Variants in SH3BGR observed in about 807,000 individuals in gnomAD.
The protein encoded by SH3BGR is SH3 domain-binding glutamic acid-rich protein.
Under a neutral mutation model 24.5 loss-of-function variants are expected in SH3BGR, and 29 were observed. That is an observed-to-expected ratio of 1.18 (90% CI 0.88 to 1.61). The LOEUF is 1.61. SH3BGR is among the 40% of genes most tolerant of loss of function. The probability of loss-of-function intolerance (pLI) is 0.00; values close to 1 mark genes in which losing one functional copy is unlikely to be tolerated. For missense variants in SH3BGR, 162 were observed against 205.8 expected, an observed-to-expected ratio of 0.79 and a Z score of 1.30; for synonymous variants, 55 against 65.7, an observed-to-expected ratio of 0.84 and a Z score of 0.79.
chr21:39,473,922 A>G (rs1482054123), intron 2 of SH3BGR, among the ~76,000 whole-genome samples: 2 of 151,876 alleles, frequency 1.3e-5, no homozygotes, highest in African/African-American at 4.8e-5. Flanking sequence ...ACAGGAATAC[A>G]TAATACTTTT....
At chr21:39,505,955 C>T (rs1410695825) in intron 4 of SH3BGR, among the ~76,000 whole-genome samples, 1 of 152,202 alleles carries the variant, frequency 6.6e-6, no homozygotes, top group African/African-American at 2.4e-5. Context: ...TAAAACTCTA[C>T]ATAACCAATA....
chr21:39,493,268 A>G (rs957494483), intron 3 of SH3BGR, among the ~76,000 whole-genome samples: 10 of 152,152 alleles, frequency 6.6e-5, no homozygotes, highest in African/African-American at 1.9e-4. Flanking sequence ...ATTTAAGTCC[A>G]TGATCCATCT....
At chr21:39,472,780 C>G (rs1156851588) in intron 2 of SH3BGR, among the ~76,000 whole-genome samples, 1 of 152,144 alleles carries the variant, frequency 6.6e-6, no homozygotes, top group Non-Finnish European at 1.5e-5. Flanking sequence ...GCAGAACCCT[C>G]TGAAGTTCTG....
intron 6 of SH3BGR, among the ~76,000 whole-genome samples, chr21:39,512,272 A>G (rs2078708734): frequency 6.6e-6 from 1 of 152,156 alleles, no homozygotes; most frequent in African/African-American, 2.4e-5. Flanking sequence ...AAAAATCACA[A>G]AGCTGGTGTT....
chr21:39,499,264 A>ATCTATCTATCTATCTATCTATCTG lies in SH3BGR; in HGVS notation c.313-556_313-555insATCTATCTATCTATCTATCTGTCT, dbSNP rs1288540646. On this transcript the variant is annotated intron_variant, in intron 3 of 6. Coordinates refer to ENST00000333634, the MANE Select transcript of SH3BGR (RefSeq NM_007341.3). ...CCATCCACCTATCTATCATCTGTCTATCTGTCTATCTATCTATGTCTGTCT... is the reference window on the plus strand; with the variant it reads ...CCATCCACCTATCTATCATCTGTCTATCTATCTATCTATCTATCTATCTGTCTGTCTATCTATCTATGTCTGTCT... 6.0e-5 allele frequency among the ~76,000 whole-genome samples: 9 copies of ATCTATCTATCTATCTATCTATCTG among 150,966 alleles called. No individual in the cohort carries two copies. In the East Asian group the frequency reaches 7.8e-4, roughly 13 times the overall value.
In SH3BGR at chr21:39,478,167, C is replaced by G. The variant is rs578232494; in HGVS notation, c.312+2952C>G. Among the ~76,000 whole-genome samples, 3 of 152,210 alleles carry G rather than the reference C, an allele frequency of 2.0e-5. No individual in the cohort carries two copies. The South Asian group carries it at 6.2e-4, about 32-fold the overall frequency. Reference sequence around the variant, plus strand: ...AAAAAATAACTTTTTTCAAATATTACATATATGATATTGGAAAGGTCAAAT... The same window carrying G: ...AAAAAATAACTTTTTTCAAATATTAGATATATGATATTGGAAAGGTCAAAT... On this transcript the variant is annotated intron_variant, in intron 3 of 6. Transcript: ENST00000333634.
chr21:39,492,466 G>GTGTGTGTATATA (rs1404293146), intron 3 of SH3BGR, among the ~76,000 whole-genome samples: 590 of 139,594 alleles, frequency 4.2e-3, no homozygotes, highest in Middle Eastern at 7.2e-3. Flanking sequence ...GTGTGTGTGT[G>GTGTGTGTATATA]TATATATATA....
intron 3 of SH3BGR, among the ~76,000 whole-genome samples, chr21:39,498,708 GT>G (rs1223923210): frequency 1.3e-5 from 2 of 152,058 alleles, no homozygotes; most frequent in African/African-American, 4.8e-5. Context: ...TCGAGCCATC[GT>G]CCCCATGCCC....
chr21:39,462,886 G>A (rs1049034630), intron 2 of SH3BGR, among the ~76,000 whole-genome samples: 4 of 152,200 alleles, frequency 2.6e-5, no homozygotes, highest in African/African-American at 4.8e-5. Flanking sequence ...GTGCACACAC[G>A]TGTATCTGCA....
intron 2 of SH3BGR, among the ~76,000 whole-genome samples, chr21:39,468,869 T>TAAG (rs2077887906): frequency 1.3e-5 from 2 of 152,234 alleles, no homozygotes; most frequent in Admixed American, 1.3e-4. Flanking sequence ...GAGAGCCTCT[T>TAAG]GTTCATCTGG....
intron 3 of SH3BGR, among the ~76,000 whole-genome samples, chr21:39,498,489 C>G (rs745493184): frequency 1.5e-4 from 23 of 152,198 alleles, no homozygotes; most frequent in Middle Eastern, 3.4e-3. Context: ...TAATGACTGC[C>G]CTACCTACTT....
intron 1 of SH3BGR, 129 bp downstream of exon 1, chr21:39,452,270 C>A: frequency 9.5e-7 from 1 of 1,051,630 alleles, no homozygotes; most frequent in Non-Finnish European, 1.4e-6. Flanking sequence ...TAAGTATGTG[C>A]GCCCTTTGCT....
intron 3 of SH3BGR, 84 bp downstream of exon 3, chr21:39,475,299 AC>A: frequency 2.5e-6 from 2 of 807,688 alleles, no homozygotes; most frequent in Non-Finnish European, 4.3e-6. Flanking sequence ...ACTGTTTAAT[AC>A]ATGATGATCT....
At chr21:39,493,779 C>T (rs942441649) in intron 3 of SH3BGR, among the ~76,000 whole-genome samples, 9 of 152,136 alleles carry the variant, frequency 5.9e-5, no homozygotes, top group African/African-American at 2.4e-5. Flanking sequence ...TTTGTGTCGT[C>T]TATGATTTCT....
At chr21:39,510,514 CCTT>C (rs2078669005) in intron 5 of SH3BGR, among the ~76,000 whole-genome samples, 1 of 151,340 alleles carries the variant, frequency 6.6e-6, no homozygotes. Context: ...CTTGTAGTCT[CCTT>C]TTTTTTCATG....
At chr21:39,514,309 G>T (rs576898270) in intron 6 of SH3BGR, among the ~76,000 whole-genome samples, 1 of 152,254 alleles carries the variant, frequency 6.6e-6, no homozygotes, top group African/African-American at 2.4e-5. Context: ...AACTATGAAA[G>T]AATTCTCATT....
In SH3BGR at chr21:39,451,970, A is replaced by G. The variant is rs1602057115; in HGVS notation, c.-127A>G. Reference sequence around the variant, plus strand: ...AGTTGGAGCGGGACTGCCGGAGCCCAGTGGACCCCTGGGCTGCTGCCAGCC... The same window carrying G: ...AGTTGGAGCGGGACTGCCGGAGCCCGGTGGACCCCTGGGCTGCTGCCAGCC... On this transcript the variant is annotated 5_prime_UTR_variant, in exon 1 of 7. Transcript: ENST00000333634. 5.6e-6 allele frequency: 9 copies of G among 1,614,170 alleles called. No individual in the cohort carries two copies. In the East Asian group the frequency reaches 8.9e-5, roughly 16 times the overall value.
intron 3 of SH3BGR, 39 bp from the exon 4 acceptor site, chr21:39,499,784 T>A: frequency 6.8e-7 from 1 of 1,465,422 alleles, no homozygotes; most frequent in Non-Finnish European, 9.4e-7. Flanking sequence ...TTCTTTTTTC[T>A]GTTTTTGAGC....
At chr21:39,450,223 C>T (rs2077557793), upstream of SH3BGR, among the ~76,000 whole-genome samples, 1 of 152,120 alleles carries the variant, frequency 6.6e-6, no homozygotes, top group South Asian at 2.1e-4. Flanking sequence ...GATCTGTAAT[C>T]CTTGGTGTGC....
Sources: gnomAD v4.1 joint callset for allele counts (sites outside exome capture counted in the v4.1 genomes callset) on GRCh38, gnomAD v4.1.1 for gene constraint, MANE v1.5 for transcripts, NCBI Gene and HGNC (gene_info 2026-07-23, HGNC 2026-07-21) for gene names.